The following PCED1B variants were observed in gnomAD, a reference collection of about 807,000 sequenced individuals.
PCED1B encodes PC-esterase domain containing 1B.
For synonymous variants in PCED1B, 251 were observed against 246.1 expected (o/e 1.02, Z -0.19); for missense variants, 573 against 573.9 (o/e 1.00, Z 0.02).
At chr12:47,220,083 A>G (rs1273098852) in intron 3 of PCED1B, among the ~76,000 whole-genome samples, 1 of 144,920 alleles carries the variant, frequency 6.9e-6, no homozygotes, top group Admixed American at 7.0e-5. Flanking sequence ...AAAAAAAAAA[A>G]AAAAAAAGAA....
chr12:47,133,231 T>C (rs1376707853), intron 2 of PCED1B, among the ~76,000 whole-genome samples: 6 of 152,208 alleles, frequency 3.9e-5, no homozygotes, highest in African/African-American at 1.4e-4. Context: ...GACAACATGA[T>C]GTCTGCAAAC....
intron 2 of PCED1B, chr12:47,206,366 C>T (rs1045127564): frequency 6.6e-6 from 1 of 152,206 alleles, no homozygotes; most frequent in African/African-American, 2.4e-5. Context: ...AAAGTTAGTT[C>T]AGCCTATGCC....
intron 2 of PCED1B, among the ~76,000 whole-genome samples, chr12:47,132,144 G>A (rs911888688): frequency 3.3e-5 from 5 of 152,152 alleles, no homozygotes; most frequent in African/African-American, 9.7e-5. Context: ...GCTGCCAGTA[G>A]TCATGTTAAT....
In PCED1B at chr12:47,235,806, T is replaced by C; in HGVS notation, c.743T>C (p.Val248Ala). Residue 248 changes from valine (V) to alanine (A), a missense_variant, in exon 4 of 4, where the codon GTG becomes GCG. Transcript: ENST00000546455. Reference sequence around the variant, plus strand: ...CTCTCCCAGCTGCTGCTGGCCCACGTGGCCGACGCCTGGGGTGTGGAGCTG... The same window carrying C: ...CTCTCCCAGCTGCTGCTGGCCCACGCGGCCGACGCCTGGGGTGTGGAGCTG... ...RCLSQLLLAHVADAWGVELPH... is the reference protein window; with the variant it reads ...RCLSQLLLAHAADAWGVELPH... 6.3e-7 allele frequency: 1 copy of C among 1,577,996 alleles called. No homozygotes were observed. Among genetic ancestry groups the C allele is most frequent in the African/African-American group, 1.4e-5 (1 of 74,062 alleles).
chr12:47,169,105 C>T (rs555912202), intron 2 of PCED1B, among the ~76,000 whole-genome samples: 31 of 152,272 alleles, frequency 2.0e-4, no homozygotes, highest in African/African-American at 7.2e-4. Flanking sequence ...TATTTAAAAT[C>T]TGTTTTACAT....
At chr12:47,233,970 G>C (rs873935) in intron 3 of PCED1B, among the ~76,000 whole-genome samples, 1 of 151,556 alleles carries the variant, frequency 6.6e-6, no homozygotes, top group African/African-American at 2.4e-5. Flanking sequence ...GTTTTTAGGG[G>C]TTTTTTTTGT....
chr12:47,147,038 T>C lies in PCED1B; in HGVS notation c.-526+42843T>C, dbSNP rs140636267. ...TTTTTTGAGATGGAGTCTTGCTCTG[T>C]TGCCCAGGCAGGAGTGCAGTGGTGC... On this transcript the variant is annotated intron_variant, in intron 2 of 3. Transcript: ENST00000546455. 8.7e-3 allele frequency among the ~76,000 whole-genome samples: 1,273 copies of C among 147,120 alleles called. 17 individuals carry two copies. The highest frequency in any genetic ancestry group is 0.029 in the African/African-American group (1,172 of 40,120).
intron 3 of PCED1B, among the ~76,000 whole-genome samples, chr12:47,218,528 G>A (rs995950115): frequency 1.7e-4 from 26 of 152,184 alleles, no homozygotes; most frequent in African/African-American, 6.3e-4. Context: ...CTGTCATCCA[G>A]GCTGGAGCGC....
At chr12:47,124,714 A>C (rs1174188260) in intron 2 of PCED1B, among the ~76,000 whole-genome samples, 4 of 151,992 alleles carry the variant, frequency 2.6e-5, no homozygotes, top group African/African-American at 9.7e-5. Context: ...AAATTTAGGC[A>C]TTCTAAATAG....
chr12:47,198,418 A>T lies in PCED1B; in HGVS notation c.-525-17804A>T, dbSNP rs117179902. ...GAACTGGATCTCAACTTCATAAAGG[A>T]TAACTGCAAAATAACTACACCTAAC... On this transcript the variant is annotated intron_variant, in intron 2 of 3. Coordinates refer to ENST00000546455, the MANE Select transcript of PCED1B (RefSeq NM_138371.3). Among the ~76,000 whole-genome samples, 1,256 of 152,278 alleles carry T rather than the reference A, an allele frequency of 8.2e-3. 7 individuals are homozygous for T. The highest frequency in any genetic ancestry group is 0.014 in the Non-Finnish European group (984 of 68,016).
chr12:47,226,480 TCTC>T (rs1943636426), intron 3 of PCED1B, among the ~76,000 whole-genome samples: 1 of 152,158 alleles, frequency 6.6e-6, no homozygotes, highest in Non-Finnish European at 1.5e-5. Flanking sequence ...TTCAGGCAAT[TCTC>T]CTGCCTCAGC....
intron 2 of PCED1B, among the ~76,000 whole-genome samples, chr12:47,177,422 C>T (rs1175878408): frequency 6.6e-6 from 1 of 152,146 alleles, no homozygotes; most frequent in Non-Finnish European, 1.5e-5. Flanking sequence ...ACACATTCAC[C>T]CCATTCCTCA....
chr12:47,220,085 A>AGAAGAAG lies in PCED1B; in HGVS notation c.-58+3396_-58+3397insGAAGAAG, dbSNP rs1235754736. Among the ~76,000 whole-genome samples, 903 of 137,946 alleles carry AGAAGAAG rather than the reference A, an allele frequency of 6.5e-3. 6 individuals carry two copies. The highest frequency in any genetic ancestry group is 0.011 in the Middle Eastern group (3 of 280). 90.5% of individuals were successfully genotyped at this position (137,946 alleles called of 152,430 possible). A position where few individuals can be genotyped will look rare whatever the true frequency, so the allele number is the denominator to read the frequency against. ...CACTGCCTCAAAAAAAAAAAAAAAA[A>AGAAGAAG]AAAAAGAAGAAGAAGAAGAAGATAC... On this transcript the variant is annotated intron_variant, in intron 3 of 3. Coordinates refer to ENST00000546455, the MANE Select transcript of PCED1B (RefSeq NM_138371.3).
intron 2 of PCED1B, among the ~76,000 whole-genome samples, chr12:47,197,284 C>T (rs1411824682): frequency 1.3e-5 from 2 of 149,598 alleles, no homozygotes; most frequent in Non-Finnish European, 3.0e-5. Flanking sequence ...TATCTGCCCT[C>T]GCTTGTAAAA....
At chr12:47,190,797 T>A (rs1042150183) in intron 2 of PCED1B, among the ~76,000 whole-genome samples, 16 of 152,328 alleles carry the variant, frequency 1.1e-4, no homozygotes, top group African/African-American at 1.9e-4. Flanking sequence ...GGCTACAGCA[T>A]GAGGGTGCGA....
At chr12:47,204,262 A>T (rs1039682275) in intron 2 of PCED1B, among the ~76,000 whole-genome samples, 6 of 149,714 alleles carry the variant, frequency 4.0e-5, no homozygotes, top group Non-Finnish European at 7.5e-5. Context: ...ATATGAATTT[A>T]AAATTTTTTT....
chr12:47,128,554 G>A (rs1939992781), intron 2 of PCED1B, among the ~76,000 whole-genome samples: 1 of 152,168 alleles, frequency 6.6e-6, no homozygotes. Flanking sequence ...AAGTAAAATG[G>A]TAAACAGATT....
chr12:47,134,326 CCTTT>C (rs1240378525), intron 2 of PCED1B, among the ~76,000 whole-genome samples: 4 of 152,104 alleles, frequency 2.6e-5, no homozygotes, highest in Non-Finnish European at 5.9e-5. Context: ...GAAACTTTTT[CCTTT>C]CTTCTTTTCT....
chr12:47,206,439 T>A (rs866873003), intron 2 of PCED1B: 1 of 152,210 alleles, frequency 6.6e-6, no homozygotes, highest in South Asian at 2.1e-4. Context: ...TTAAGTTAGA[T>A]CTCTTTCACC....
Sources: gnomAD v4.1 joint callset for allele counts (sites outside exome capture counted in the v4.1 genomes callset) on GRCh38, gnomAD v4.1.1 for gene constraint, MANE v1.5 for transcripts, NCBI Gene and HGNC (gene_info 2026-07-23, HGNC 2026-07-21) for gene names.